PROM1: variants seen among roughly 807,000 people sequenced by gnomAD.
PROM1 encodes prominin 1, also known as prominin-1.
Under a neutral mutation model 116.9 loss-of-function variants are expected in PROM1, and 105 were observed. The ratio of observed to expected loss-of-function variants is 0.90; its 90% CI spans 0.77 to 1.06. PROM1 has a LOEUF of 1.06. PROM1 is among the 50% of genes least tolerant of loss of function. The probability of loss-of-function intolerance (pLI) is 0.00; values close to 1 mark genes in which losing one functional copy is unlikely to be tolerated. For missense variants in PROM1, 1,122 were observed against 1,045.2 expected (o/e 1.07, Z -1.01); for synonymous variants, 393 against 387.0 (o/e 1.02, Z -0.18).
In PROM1 at chr4:15,976,646, G is replaced by A. The variant is rs114628646; in HGVS notation, c.2582+2749C>T. Among the ~76,000 whole-genome samples the A allele has an allele frequency of 9.1e-3, 1,380 of 152,332 alleles. 23 individuals carry two copies. Among genetic ancestry groups the A allele is most frequent in the African/African-American group, 0.031 (1,301 of 41,572 alleles). On this transcript the variant is annotated intron_variant, in intron 26 of 27. Transcript: ENST00000447510. Reference sequence around the variant, plus strand: ...GATCATGCCTAAGTGACAAAGGTCTGTGGCAGTACTGGTGTGCTGAGAGGA... The same window carrying A: ...GATCATGCCTAAGTGACAAAGGTCTATGGCAGTACTGGTGTGCTGAGAGGA...
intron 1 of PROM1, among the ~76,000 whole-genome samples, chr4:16,081,122 G>A (rs182671972): frequency 0.01 from 1,557 of 151,844 alleles, 95 homozygotes; most frequent in Admixed American, 0.096. Context: ...GTGCATGTTT[G>A]TTACATGTGT....
intron 2 of PROM1, among the ~76,000 whole-genome samples, chr4:16,057,701 T>C (rs887392985): frequency 6.6e-6 from 1 of 152,228 alleles, no homozygotes; most frequent in African/African-American, 2.4e-5. Flanking sequence ...CTTATTTTAA[T>C]CCCACTCAAG....
Position 15,998,500 on chromosome 4 carries a change from T to G in PROM1, c.1579-12A>C, listed in dbSNP as rs370183490. On this transcript the variant is annotated splice_polypyrimidine_tract_variant and intron_variant, in intron 14 of 27. Coordinates refer to ENST00000447510, the MANE Select transcript of PROM1 (RefSeq NM_006017.3). ...GGTGTATCCAAAACCTAGAACACATTAGGAAGTATTTTCGAAAAATCAGTT... is the reference window on the plus strand; with the variant it reads ...GGTGTATCCAAAACCTAGAACACATGAGGAAGTATTTTCGAAAAATCAGTT... The G allele has an allele frequency of 3.5e-5, 55 of 1,573,212 alleles. No individual in the cohort carries two copies. The highest frequency in any genetic ancestry group is 4.7e-5 in the Non-Finnish European group (55 of 1,164,066).
Position 15,978,638 on chromosome 4 carries a change from C to T in PROM1, c.2582+757G>A, listed in dbSNP as rs1716857844. Among the ~76,000 whole-genome samples, 2 of 152,228 alleles carry T rather than the reference C, an allele frequency of 1.3e-5. 1 individual carries two copies. The highest frequency in any genetic ancestry group is 2.9e-5 in the Non-Finnish European group (2 of 68,054). On this transcript the variant is annotated intron_variant, in intron 26 of 27. Coordinates refer to ENST00000447510, the MANE Select transcript of PROM1 (RefSeq NM_006017.3). ...TAGACTCACCCTTTTGCATCTGAGA[C>T]ATCACTGTGGGGAGCGGGCTCGGGG...
intron 2 of PROM1, among the ~76,000 whole-genome samples, chr4:16,054,844 A>T (rs1738631629): frequency 6.6e-6 from 1 of 151,896 alleles, no homozygotes; most frequent in South Asian, 2.1e-4. Flanking sequence ...AATGGTCAGT[A>T]CTCGAGTTCC....
chr4:15,993,868 C>T, intron 16 of PROM1, 119 bp downstream of exon 16: 2 of 1,488,380 alleles, frequency 1.3e-6, no homozygotes, highest in Admixed American at 2.4e-5. Context: ...CCAAACATCA[C>T]TTTTAAATAG....
intron 2 of PROM1, among the ~76,000 whole-genome samples, chr4:16,042,171 G>T (rs990159134): frequency 6.6e-6 from 1 of 152,132 alleles, no homozygotes; most frequent in African/African-American, 2.4e-5. Context: ...CCACTGACAG[G>T]ATTTGTTGCC....
At chr4:16,015,122 G>A (rs1336131087) in intron 10 of PROM1, among the ~76,000 whole-genome samples, 1 of 152,194 alleles carries the variant, frequency 6.6e-6, no homozygotes, top group East Asian at 1.9e-4. Flanking sequence ...GAGGCGGGTG[G>A]GTCACCTGAG....
At chr4:15,981,374 T>C (rs1487539279) in intron 23 of PROM1, among the ~76,000 whole-genome samples, 2 of 151,700 alleles carry the variant, frequency 1.3e-5, no homozygotes, top group South Asian at 2.1e-4. Flanking sequence ...GTCGAGACCA[T>C]TCTGGCCAAC....
chr4:15,989,717 G>C lies in PROM1; in HGVS notation c.2076+15C>G. On this transcript the variant is annotated intron_variant, in intron 19 of 27. Coordinates refer to ENST00000447510, the MANE Select transcript of PROM1 (RefSeq NM_006017.3). Reference sequence around the variant, plus strand: ...CTCAGGTCACAGTGAAATACAATACGTCGTTGACTGTTACCAGTGATTGTT... The same window carrying C: ...CTCAGGTCACAGTGAAATACAATACCTCGTTGACTGTTACCAGTGATTGTT... 1 of 1,571,714 alleles carries C rather than the reference G, an allele frequency of 6.4e-7. No homozygotes were observed. The highest frequency in any genetic ancestry group is 8.7e-7 in the Non-Finnish European group (1 of 1,149,436).
intron 2 of PROM1, among the ~76,000 whole-genome samples, chr4:16,068,492 G>A (rs1443022569): frequency 6.6e-6 from 1 of 152,108 alleles, no homozygotes; most frequent in Non-Finnish European, 1.5e-5. Context: ...CTATTGCTCT[G>A]TCTCCATGTC....
intron 2 of PROM1, among the ~76,000 whole-genome samples, chr4:16,067,707 G>A (rs890559292): frequency 1.3e-5 from 2 of 152,210 alleles, no homozygotes; most frequent in African/African-American, 4.8e-5. Flanking sequence ...AGGACACGCA[G>A]ATGTTGGAGC....
rs1169940500 is a variant in PROM1 at position 15,984,311 on chromosome 4, T to C, written c.2325A>G (p.Leu775=). The C allele has an allele frequency of 1.9e-6, 3 of 1,609,198 alleles. No individual in the cohort carries two copies. The highest frequency in any genetic ancestry group is 2.5e-6 in the Non-Finnish European group (3 of 1,177,406). ...VASCKPVATA[L]DTAVDVFLCS... is the part of the protein sequence containing the mutation. ...ACAGAAAGACATCAACAGCAGTATC[T>C]AGAGCGGTGGCCACAGGTTTGCACG... The change falls in exon 23 of 28, where the codon CTA becomes CTG. Residue 775 remains leucine, a synonymous_variant. Transcript: ENST00000447510.
chr4:16,057,967 G>C (rs1338936209), intron 2 of PROM1, among the ~76,000 whole-genome samples: 3 of 152,170 alleles, frequency 2.0e-5, no homozygotes, highest in Non-Finnish European at 4.4e-5. Context: ...CTGTGGCGAA[G>C]GGTGATTCAC....
intron 2 of PROM1, among the ~76,000 whole-genome samples, chr4:16,065,521 T>C (rs979339367): frequency 1.3e-5 from 2 of 152,200 alleles, no homozygotes; most frequent in African/African-American, 4.8e-5. Flanking sequence ...CTACAGCTGA[T>C]TGTGGAGGTG....
intron 2 of PROM1, among the ~76,000 whole-genome samples, chr4:16,051,562 A>G (rs148028862): frequency 2.2e-4 from 34 of 152,306 alleles, no homozygotes; most frequent in African/African-American, 7.5e-4. Flanking sequence ...TTTACGCTAC[A>G]AGATGCTGAG....
chr4:15,974,858 C>T (rs190163325), intron 26 of PROM1, among the ~76,000 whole-genome samples: 3 of 152,296 alleles, frequency 2.0e-5, no homozygotes, highest in East Asian at 3.9e-4. Flanking sequence ...GCAGGCAACA[C>T]CTGAAAACTG....
At chr4:15,982,854 T>G (rs1193692773) in intron 23 of PROM1, among the ~76,000 whole-genome samples, 1 of 152,148 alleles carries the variant, frequency 6.6e-6, no homozygotes, top group African/African-American at 2.4e-5. Flanking sequence ...TCTGCGTGGT[T>G]GGGTCGGAGG....
At chr4:16,039,443 A>T (rs1203177741) in intron 2 of PROM1, among the ~76,000 whole-genome samples, 2 of 152,256 alleles carry the variant, frequency 1.3e-5, no homozygotes, top group Non-Finnish European at 2.9e-5. Flanking sequence ...GAATCTTAAA[A>T]TTAACTCAAC....
Sources: gnomAD v4.1 joint callset for allele counts (sites outside exome capture counted in the v4.1 genomes callset) on GRCh38, gnomAD v4.1.1 for gene constraint, MANE v1.5 for transcripts, NCBI Gene and HGNC (gene_info 2026-07-23, HGNC 2026-07-21) for gene names.